Variants in TDRD6 observed in about 807,000 individuals in gnomAD.
The protein encoded by TDRD6 is tudor domain containing 6.
Under a neutral mutation model 157.5 loss-of-function variants are expected in TDRD6, and 186 were observed. The observed-to-expected ratio is 1.18, with a 90% CI of 1.05 to 1.33. TDRD6 has a LOEUF of 1.33. TDRD6 is among the 40% of genes most tolerant of loss of function. The probability of loss-of-function intolerance (pLI) is 0.00; values close to 1 mark genes in which losing one functional copy is unlikely to be tolerated. For synonymous variants in TDRD6, 1,075 were observed against 945.2 expected (o/e 1.14, Z -2.52); for missense variants, 3,066 against 2,508.0 (o/e 1.22, Z -4.75).
rs929431781 is a variant in TDRD6, at chr6:46,688,120, G to A, written c.-9G>A. ...TTTCCGGAAGTGGGGGCCGCGCCGC[G>A]CCGTCAAGATGTGCTCGACGCCCGG... On this transcript the variant is annotated 5_prime_UTR_variant, in exon 1 of 4. Coordinates refer to ENST00000316081, the MANE Select transcript of TDRD6 (RefSeq NM_001010870.3). The A allele has an allele frequency of 1.3e-6, 2 of 1,501,198 alleles. No individual in the cohort carries two copies. Among genetic ancestry groups the A allele is most frequent in the African/African-American group, 1.4e-5 (1 of 68,998 alleles). 93.0% of individuals were successfully genotyped at this position (1,501,198 alleles called of 1,614,324 possible). A position where few individuals can be genotyped will look rare whatever the true frequency, so the allele number is the denominator to read the frequency against.
In TDRD6 at chr6:46,689,941, A is replaced by G. The variant is rs1224206283; in HGVS notation, c.1813A>G (p.Ile605Val). 6.2e-7 allele frequency: 1 copy of G among 1,614,110 alleles called. No homozygotes were observed. Among genetic ancestry groups the G allele is most frequent in the South Asian group, 1.1e-5 (1 of 91,064 alleles). The change falls in exon 1 of 4, where the codon ATT (isoleucine) becomes GTT (valine). Residue 605 changes from isoleucine (I) to valine (V), a missense_variant. By Grantham distance (29) the Ile-to-Val change is conservative. Coordinates refer to ENST00000316081, the MANE Select transcript of TDRD6 (RefSeq NM_001010870.3). ...ILAVKCTLAD[I>V]WPLGKTWSQE... ...GGCTGTGAAGTGCACCCTGGCTGAT[A>G]TTTGGCCTTTGGGAAAAACTTGGAG...
Position 46,702,765 on chromosome 6 carries a change from C to T in TDRD6, c.*878C>T, listed in dbSNP as rs1436559077. 2.6e-5 allele frequency: 4 copies of T among 152,086 alleles called. No homozygotes were observed. The highest frequency in any genetic ancestry group is 5.9e-5 in the Non-Finnish European group (4 of 67,974). The allele number at this position is 152,086 out of a possible 1,614,324, so 9.4% of individuals were successfully genotyped here. ...CCATGACTTTTTAAACATGATTTTG[C>T]AAAGCATAGATCTTAGCTTTTAGAA... On this transcript the variant is annotated 3_prime_UTR_variant, in exon 4 of 4. Coordinates refer to ENST00000316081, the MANE Select transcript of TDRD6 (RefSeq NM_001010870.3).
At chr6:46,700,293 C>G (rs1158667571) in intron 3 of TDRD6, among the ~76,000 whole-genome samples, 1 of 152,148 alleles carries the variant, frequency 6.6e-6, no homozygotes, top group Non-Finnish European at 1.5e-5. Flanking sequence ...ATAGAAACTA[C>G]TTATGAGTAA....
chr6:46,687,273 C>T (rs897062641), upstream of TDRD6, among the ~76,000 whole-genome samples: 1 of 152,084 alleles, frequency 6.6e-6, no homozygotes, highest in African/African-American at 2.4e-5. Flanking sequence ...AATGAAAATG[C>T]CTTCAAAATT....
In TDRD6 at chr6:46,688,167, G is replaced by A. The variant is rs1411652939; in HGVS notation, c.39G>A (p.Ser13=). The part of the protein sequence containing the change: ...STPGMPAPGA[S]LALRVSFVDV... ...CCGGAATGCCGGCGCCGGGGGCCTCGCTGGCCCTGCGGGTGTCCTTCGTGG... is the reference window on the plus strand; with the variant it reads ...CCGGAATGCCGGCGCCGGGGGCCTCACTGGCCCTGCGGGTGTCCTTCGTGG... The change falls in exon 1 of 4, where the codon TCG becomes TCA. Residue 13 remains serine (S), a synonymous_variant. Transcript: ENST00000316081. 8 of 1,547,252 alleles carry A rather than the reference G, an allele frequency of 5.2e-6. No homozygotes were observed. The highest frequency in any genetic ancestry group is 2.4e-5 in the East Asian group (1 of 41,812).
chr6:46,693,238 A>G lies in TDRD6; in HGVS notation c.5110A>G (p.Lys1704Glu). ...KMEKYSKTGI[K>E]SALPYENIDS... ...GGAGAAATATTCTAAGACTGGTATTAAAAGTGCTCTTCCCTATGAAAATAT... is the reference window on the plus strand; with the variant it reads ...GGAGAAATATTCTAAGACTGGTATTGAAAGTGCTCTTCCCTATGAAAATAT... Residue 1704 changes from lysine to glutamate, a missense_variant, in exon 1 of 4, where the codon AAA (lysine) becomes GAA (glutamate). Physicochemically the swap from Lys to Glu is moderately conservative, Grantham distance 56 (BLOSUM62 1). Coordinates refer to ENST00000316081, the MANE Select transcript of TDRD6 (RefSeq NM_001010870.3). 5 of 1,613,620 alleles carry G rather than the reference A, an allele frequency of 3.1e-6. No individual in the cohort carries two copies. Among genetic ancestry groups the G allele is most frequent in the Non-Finnish European group, 4.2e-6 (5 of 1,179,890 alleles).
rs1490853773 is a variant in TDRD6, at chr6:46,688,557, A to C, written c.429A>C (p.Ser143=). The change falls in exon 1 of 4, where the codon TCA becomes TCC. Residue 143 remains serine (S), a synonymous_variant. Coordinates refer to ENST00000316081, the MANE Select transcript of TDRD6 (RefSeq NM_001010870.3). The stretch of plus-strand genomic sequence containing the variant: ...TGCCGGCAGGCTGCGGCGCGGGCTC[A>C]GGCGAGCCGCCGCAGCACTGGCCCG... ...GLVPAGCGAG[S]GEPPQHWPAD... The C allele has an allele frequency of 6.3e-7, 1 of 1,584,412 alleles. No individual in the cohort carries two copies. The highest frequency in any genetic ancestry group is 1.3e-5 in the African/African-American group (1 of 74,516).
chr6:46,700,427 G>T (rs1334689318), intron 3 of TDRD6, among the ~76,000 whole-genome samples: 1 of 151,768 alleles, frequency 6.6e-6, no homozygotes, highest in Non-Finnish European at 1.5e-5. Flanking sequence ...AGTGAGTGTT[G>T]TATTATGCAT....
At chr6:46,687,764 G>A, upstream of TDRD6, 1 of 210,228 alleles carries the variant, frequency 4.8e-6, no homozygotes, top group Middle Eastern at 1.6e-3. Context: ...CTCCCACCTC[G>A]GGGTCTCCTG....
At chr6:46,696,551 A>ATGTG (rs1213900777) in intron 2 of TDRD6, among the ~76,000 whole-genome samples, 12 of 47,648 alleles carry the variant, frequency 2.5e-4, no homozygotes, top group Middle Eastern at 0.014. Flanking sequence ...ATATGTATAT[A>ATGTG]TGTGTGTGTG....
chr6:46,689,806 T>C lies in TDRD6; in HGVS notation c.1678T>C (p.Leu560=), dbSNP rs201786077. 1.1e-5 allele frequency: 18 copies of C among 1,614,184 alleles called. No individual in the cohort carries two copies. The highest frequency in any genetic ancestry group is 1.3e-5 in the African/African-American group (1 of 75,034). The part of the protein sequence containing the change: ...NGYYRAIVTK[L]DDKSVDVFLV... ...TTATTATAGGGCCATAGTCACCAAATTGGATGACAAGAGTGTGGATGTATT... is the reference window on the plus strand; with the variant it reads ...TTATTATAGGGCCATAGTCACCAAACTGGATGACAAGAGTGTGGATGTATT... Residue 560 remains leucine, a synonymous_variant, in exon 1 of 4, where the codon TTG becomes CTG. Transcript: ENST00000316081.
In TDRD6 at chr6:46,689,728, G is replaced by A; in HGVS notation, c.1600G>A (p.Val534Ile). 6.2e-7 allele frequency: 1 copy of A among 1,614,222 alleles called. No individual in the cohort carries two copies. Residue 534 changes from valine (V) to isoleucine (I), a missense_variant, in exon 1 of 4, where the codon GTT becomes ATT. Coordinates refer to ENST00000316081, the MANE Select transcript of TDRD6 (RefSeq NM_001010870.3). ...CTCTGCCAGTAAGCTGGATGGTGTAGTTTTGAAACCTGAACCTGATGACCT... is the reference window on the plus strand; with the variant it reads ...CTCTGCCAGTAAGCTGGATGGTGTAATTTTGAAACCTGAACCTGATGACCT... ...YSSASKLDGVVLKPEPDDLCC... is the reference protein window; with the variant it reads ...YSSASKLDGVILKPEPDDLCC...
chr6:46,700,361 C>G (rs536414307), intron 3 of TDRD6, among the ~76,000 whole-genome samples: 1 of 151,836 alleles, frequency 6.6e-6, no homozygotes, highest in African/African-American at 2.4e-5. Context: ...CCCTCAAATT[C>G]GAGGAAGCTC....
Position 46,692,906 on chromosome 6 carries a change from G to A in TDRD6, c.4778G>A (p.Cys1593Tyr), listed in dbSNP as rs367851298. The change falls in exon 1 of 4, where the codon TGT becomes TAT. Residue 1593 changes from cysteine to tyrosine, a missense_variant. By Grantham distance (194) the Cys-to-Tyr change is radical. Coordinates refer to ENST00000316081, the MANE Select transcript of TDRD6 (RefSeq NM_001010870.3). ...TATAGGGCACTTATCACTAATATTT[G>A]TGAAGATTATCTTGTATCTGTCAGG... Reference protein sequence around the residue: ...HYYRALITNICEDYLVSVRLV... With the variant: ...HYYRALITNIYEDYLVSVRLV... 4 of 1,613,994 alleles carry A rather than the reference G, an allele frequency of 2.5e-6. No individual in the cohort carries two copies. In the East Asian group the frequency reaches 6.7e-5, roughly 27 times the overall value.
Position 46,688,281 on chromosome 6 carries a change from G to A in TDRD6, c.153G>A (p.Gln51=). 6.7e-7 allele frequency: 1 copy of A among 1,499,430 alleles called. No individual in the cohort carries two copies. The highest frequency in any genetic ancestry group is 8.8e-7 in the Non-Finnish European group (1 of 1,132,624). 92.9% of individuals were successfully genotyped at this position (1,499,430 alleles called of 1,614,324 possible). A position where few individuals can be genotyped will look rare whatever the true frequency, so the allele number is the denominator to read the frequency against. Reference sequence around the variant, plus strand: ...ACCTGCGGCTGAGCCGGGAAATCCAGGAAGCGGCGGCCACGCGCGGCCAGT... The same window carrying A: ...ACCTGCGGCTGAGCCGGGAAATCCAAGAAGCGGCGGCCACGCGCGGCCAGT... ...GEYLRLSREI[Q]EAAATRGQWA... is the part of the protein sequence containing the mutation. Residue 51 remains glutamine (Q), a synonymous_variant, in exon 1 of 4, where the codon CAG becomes CAA. Transcript: ENST00000316081.
Position 46,688,740 on chromosome 6 carries a change from C to T in TDRD6, c.612C>T (p.Leu204=). The change falls in exon 1 of 4, where the codon CTC becomes CTT. Residue 204 remains leucine, a synonymous_variant. Coordinates refer to ENST00000316081, the MANE Select transcript of TDRD6 (RefSeq NM_001010870.3). Reference sequence around the variant, plus strand: ...TGGCTCGGCGGGTGCCCGACAGCCTCTTCCGTTCGCTGCTGGAGCGCTATC... The same window carrying T: ...TGGCTCGGCGGGTGCCCGACAGCCTTTTCCGTTCGCTGCTGGAGCGCTATC... ...LGLARRVPDS[L]FRSLLERYLT... 6.2e-7 allele frequency: 1 copy of T among 1,601,104 alleles called. No individual in the cohort carries two copies.
upstream of TDRD6, among the ~76,000 whole-genome samples, chr6:46,686,150 C>T (rs1764088109): frequency 6.6e-6 from 1 of 152,172 alleles, no homozygotes; most frequent in Non-Finnish European, 1.5e-5. Context: ...TACAGAAAGT[C>T]ATAATATCTA....
In TDRD6 at chr6:46,689,580, G is replaced by A. The variant is rs1562053404; in HGVS notation, c.1452G>A (p.Lys484=). ...CAGCCTTAAGATCTATCAGGTTAAA[G>A]ATGAATGCCTTCTACGATGCGCAGG... The part of the protein sequence containing the change: ...SLPALRSIRL[K]MNAFYDAQVE... The change falls in exon 1 of 4, where the codon AAG becomes AAA. Residue 484 remains lysine, a synonymous_variant. Coordinates refer to ENST00000316081, the MANE Select transcript of TDRD6 (RefSeq NM_001010870.3). The A allele has an allele frequency of 6.2e-7, 1 of 1,614,066 alleles. No individual in the cohort carries two copies. Among genetic ancestry groups the A allele is most frequent in the Non-Finnish European group, 8.5e-7 (1 of 1,180,030 alleles).
chr6:46,690,392 G>A lies in TDRD6; in HGVS notation c.2264G>A (p.Cys755Tyr). ...ASVYFPLMQN[C>Y]LEIKPGSSSK... ...GTTTATTTTCCTCTTATGCAGAATT[G>A]CTTGGAAATTAAGCCAGGCTCCTCT... The change falls in exon 1 of 4, where the codon TGC becomes TAC. Residue 755 changes from cysteine (C) to tyrosine (Y), a missense_variant. By Grantham distance (194) the Cys-to-Tyr change is radical. Transcript: ENST00000316081. 6.2e-7 allele frequency: 1 copy of A among 1,613,886 alleles called. No individual in the cohort carries two copies. The highest frequency in any genetic ancestry group is 1.1e-5 in the South Asian group (1 of 91,088).
Sources: allele counts gnomAD v4.1 joint callset (sites outside exome capture counted in the v4.1 genomes callset), GRCh38; gene constraint gnomAD v4.1.1; transcripts MANE v1.5; gene names NCBI Gene and HGNC (gene_info 2026-07-23, HGNC 2026-07-21).